Variants in TTC27 observed in about 807,000 individuals in gnomAD.
The protein encoded by TTC27 is tetratricopeptide repeat protein 27.
Under a neutral mutation model 115.9 loss-of-function variants are expected in TTC27, and 79 were observed. The ratio of observed to expected loss-of-function variants is 0.68; its 90% CI spans 0.57 to 0.82. TTC27 has a LOEUF of 0.82. Among genes scored for constraint, TTC27 ranks in the 40% least tolerant of loss-of-function variants. The probability of loss-of-function intolerance (pLI) is 0.00; values close to 1 mark genes in which losing one functional copy is unlikely to be tolerated. For missense variants in TTC27, 1,054 were observed against 993.1 expected (o/e 1.06, Z -0.82); for synonymous variants, 401 against 356.0 (o/e 1.13, Z -1.42).
intron 16 of TTC27, among the ~76,000 whole-genome samples, chr2:32,804,010 T>TA (rs56712262): frequency 0.33 from 43,474 of 133,724 alleles, 6,699 homozygotes; most frequent in South Asian, 0.51. Flanking sequence ...CCATCTCAAT[T>TA]AAAAAAAAAA....
chr2:32,755,449 A>T (rs913129359), intron 12 of TTC27, among the ~76,000 whole-genome samples: 15 of 152,232 alleles, frequency 9.9e-5, no homozygotes, highest in African/African-American at 3.6e-4. Context: ...CAGGCGTGGC[A>T]GCGCGTGCCT....
At chr2:32,648,601 C>G (rs1180196634) in intron 4 of TTC27, among the ~76,000 whole-genome samples, 1 of 151,716 alleles carries the variant, frequency 6.6e-6, no homozygotes, top group Non-Finnish European at 1.5e-5. Context: ...GCTTGTTGTT[C>G]CTTGTTTTTA....
chr2:32,748,212 ATTAT>A (rs1210017248), intron 12 of TTC27, among the ~76,000 whole-genome samples: 1 of 151,848 alleles, frequency 6.6e-6, no homozygotes, highest in African/African-American at 2.4e-5. Flanking sequence ...CATTTCATTG[ATTAT>A]TTAAGAGTAT....
At chr2:32,781,175 A>G (rs368046744) in intron 14 of TTC27, among the ~76,000 whole-genome samples, 12 of 152,218 alleles carry the variant, frequency 7.9e-5, no homozygotes, top group African/African-American at 2.9e-4. Context: ...TCAGGTTACG[A>G]CAAGCAGTTC....
chr2:32,681,988 G>A (rs200500716), intron 9 of TTC27, among the ~76,000 whole-genome samples: 2 of 54,728 alleles, frequency 3.7e-5, no homozygotes, highest in African/African-American at 2.1e-4. Context: ...ATATGTGTGT[G>A]TGTGTGTGTG....
At chr2:32,648,436 CTTTT>C (rs35446780) in intron 4 of TTC27, among the ~76,000 whole-genome samples, 6 of 111,874 alleles carry the variant, frequency 5.4e-5, no homozygotes, top group Non-Finnish European at 8.9e-5. Flanking sequence ...GGCACCCCCC[CTTTT>C]TTTTTTTTTT....
rs555865269 is a variant in TTC27, at chr2:32,726,113, G to A, written c.1234-7715G>A. ...AACCACTCTTTCCTCCTGGGCCTCC[G>A]GACCTGTTATTGGAGGGGCTGCTGT... On this transcript the variant is annotated intron_variant, in intron 10 of 19. Transcript: ENST00000317907. Among the ~76,000 whole-genome samples the A allele has an allele frequency of 5.1e-4, 77 of 152,292 alleles. 2 individuals are homozygous for A. The highest frequency in any genetic ancestry group is 3.9e-4 in the East Asian group (2 of 5,180).
intron 8 of TTC27, among the ~76,000 whole-genome samples, chr2:32,677,443 C>G (rs1356772000): frequency 6.6e-6 from 1 of 151,808 alleles, no homozygotes; most frequent in Non-Finnish European, 1.5e-5. Flanking sequence ...AAGAATAGTG[C>G]CAAACTGTTT....
chr2:32,726,674 G>T (rs1397871996), intron 10 of TTC27, among the ~76,000 whole-genome samples: 1 of 152,166 alleles, frequency 6.6e-6, no homozygotes, highest in Non-Finnish European at 1.5e-5. Context: ...TCTGCCTGTT[G>T]CCCAGTTCCA....
chr2:32,698,760 G>T (rs754716467), intron 9 of TTC27, among the ~76,000 whole-genome samples: 1 of 152,072 alleles, frequency 6.6e-6, no homozygotes, highest in Non-Finnish European at 1.5e-5. Flanking sequence ...GATTACAGGC[G>T]TGAGCCACTG....
chr2:32,634,135 T>A, intron 3 of TTC27, 130 bp downstream of exon 3: 1 of 1,063,222 alleles, frequency 9.4e-7, no homozygotes, highest in South Asian at 2.0e-5. Flanking sequence ...GTACTAAGAA[T>A]GCTTGTTCAT....
intron 5 of TTC27, 74 bp from the exon 6 acceptor site, chr2:32,664,229 A>G: frequency 2.3e-6 from 3 of 1,325,856 alleles, no homozygotes; most frequent in Non-Finnish European, 3.1e-6. Flanking sequence ...TTTATGTATT[A>G]TAGACTCTAT....
At chr2:32,633,824 T>G (rs1664307907) in intron 2 of TTC27, 52 bp from the exon 3 acceptor site, 2 of 1,567,070 alleles carry the variant, frequency 1.3e-6, no homozygotes, top group Non-Finnish European at 1.7e-6. Context: ...GTGTTTGAGA[T>G]TATACAGTGA....
At chr2:32,684,316 G>A (rs972675080) in intron 9 of TTC27, among the ~76,000 whole-genome samples, 5 of 151,936 alleles carry the variant, frequency 3.3e-5, no homozygotes, top group African/African-American at 7.3e-5. Flanking sequence ...TCTTAATCCA[G>A]TCTATCATTG....
At chr2:32,739,620 G>GT (rs1668560178) in intron 12 of TTC27, among the ~76,000 whole-genome samples, 1 of 152,038 alleles carries the variant, frequency 6.6e-6, no homozygotes, top group South Asian at 2.1e-4. Flanking sequence ...TTTTTTGTGA[G>GT]TTTTAGCCAA....
chr2:32,668,851 G>C (rs181897228), intron 7 of TTC27, among the ~76,000 whole-genome samples: 1 of 152,100 alleles, frequency 6.6e-6, no homozygotes, highest in East Asian at 2.0e-4. Flanking sequence ...AGGCCGAGGT[G>C]GACGGATCAT....
intron 12 of TTC27, among the ~76,000 whole-genome samples, chr2:32,752,919 G>C (rs942114333): frequency 3.3e-5 from 5 of 152,164 alleles, no homozygotes; most frequent in African/African-American, 9.7e-5. Flanking sequence ...AATGGTTGCA[G>C]TTCCTATTGC....
intron 9 of TTC27, among the ~76,000 whole-genome samples, chr2:32,686,217 G>A (rs184486731): frequency 3.3e-5 from 5 of 152,244 alleles, no homozygotes; most frequent in Admixed American, 2.6e-4. Flanking sequence ...TCTGTGGATC[G>A]GAAGGCTCAG....
intron 9 of TTC27, among the ~76,000 whole-genome samples, chr2:32,686,917 T>C (rs1173934797): frequency 1.3e-5 from 2 of 152,182 alleles, no homozygotes; most frequent in Non-Finnish European, 2.9e-5. Flanking sequence ...CAATCTTGGC[T>C]CACTGCAACC....
Sources: gnomAD v4.1 joint callset for allele counts (sites outside exome capture counted in the v4.1 genomes callset) on GRCh38, gnomAD v4.1.1 for gene constraint, MANE v1.5 for transcripts, NCBI Gene and HGNC (gene_info 2026-07-23, HGNC 2026-07-21) for gene names.